The following PLEC variants were observed in gnomAD, a reference collection of about 807,000 sequenced individuals.
The protein encoded by PLEC is plectin.
Under a neutral mutation model 392.8 loss-of-function variants are expected in PLEC, and 216 were observed. The ratio of observed to expected loss-of-function variants is 0.55; its 90% confidence interval spans 0.49 to 0.62. PLEC has a LOEUF of 0.62. PLEC is among the 20% of genes least tolerant of loss of function. The pLI is 0.00. For synonymous variants in PLEC, 3,621 were observed against 2,980.6 expected, an observed-to-expected ratio of 1.21 and a Z score of -7.00; for missense variants, 6,863 against 6,563.4, an observed-to-expected ratio of 1.05 and a Z score of -1.58.
In PLEC at chr8:143,919,884, G is replaced by A; in HGVS notation, c.9937C>T (p.Pro3313Ser). The change falls in exon 32 of 32, where the codon CCA becomes TCA. Residue 3313 changes from proline to serine, a missense_variant. Physicochemically the swap from Pro to Ser is moderately conservative, Grantham distance 74. Transcript: ENST00000345136. Reference sequence around the variant, plus strand: ...CCGGAAGCCAGGAGCTCGCTGGCTGGCACAGGGGCACGGAGGCCGCTGAAG... The same window carrying A: ...CCGGAAGCCAGGAGCTCGCTGGCTGACACAGGGGCACGGAGGCCGCTGAAG... ...LSFSGLRAPV[P>S]ASELLASGVL... is the part of the protein sequence containing the mutation. 1.9e-6 allele frequency: 3 copies of A among 1,613,118 alleles called. No homozygotes were observed. The highest frequency in any genetic ancestry group is 1.1e-5 in the South Asian group (1 of 91,088).
rs1554676616 is a variant in PLEC at position 143,918,910 on chromosome 8, C to T, written c.10911G>A (p.Leu3637=). The change falls in exon 32 of 32, where the codon CTG becomes CTA. Residue 3637 remains leucine (L), a synonymous_variant. Transcript: ENST00000345136. ...GGCGGCGCACGTAGTCGTAGGAGGC[C>T]AGACCCTGCTGGCGGATGATCTCTG... is the stretch of plus-strand genomic sequence containing the variant. ...EKTEIIRQQG[L]ASYDYVRRRL... 3 of 1,611,428 alleles carry T rather than the reference C, an allele frequency of 1.9e-6. No homozygotes were observed. In the South Asian group the frequency reaches 3.3e-5, roughly 18 times the overall value.
Position 143,938,102 on chromosome 8 carries a change from G to A in PLEC, c.264+49C>T, listed in dbSNP as rs782735914. 8.0e-6 allele frequency: 11 copies of A among 1,366,824 alleles called. No homozygotes were observed. In the Admixed American group the frequency reaches 1.1e-4, roughly 13 times the overall value. The allele number at this position is 1,366,824 out of a possible 1,614,324, so 84.7% of individuals were successfully genotyped here. ...CCCCAAGGAGGGAAGGCAGGCAGAG[G>A]TCTCCAGGTGGGGCAGGCGGGGCCC... On this transcript the variant is annotated intron_variant, in intron 3 of 31. Coordinates refer to ENST00000345136, the MANE Select transcript of PLEC (RefSeq NM_201384.3).
chr8:143,967,424 G>A (rs1833166290), intron 1 of PLEC, among the ~76,000 whole-genome samples: 1 of 151,716 alleles, frequency 6.6e-6, no homozygotes, highest in Admixed American at 6.6e-5. Flanking sequence ...TAGATGCGTG[G>A]TGTGAGACCC....
At position 143,936,032 on chromosome 8, in the gene PLEC, G is replaced by C. The variant is rs1183265174; in HGVS notation, c.436-18C>G. ...TCTGAGATCTGCTCACAGCAGAGAG[G>C]AGGCCACAGCTCAGCCACAGCCACC... is the stretch of plus-strand genomic sequence containing the variant. On this transcript the variant is annotated intron_variant, in intron 5 of 31. Coordinates refer to ENST00000345136, the MANE Select transcript of PLEC (RefSeq NM_201384.3). 5 of 1,609,912 alleles carry C rather than the reference G, an allele frequency of 3.1e-6. No individual in the cohort carries two copies. In the Admixed American group the frequency reaches 5.0e-5, roughly 16 times the overall value.
upstream of PLEC, chr8:143,944,571 C>A: frequency 1.1e-6 from 1 of 934,738 alleles, no homozygotes; most frequent in Non-Finnish European, 1.5e-6. Flanking sequence ...GGCCTCCAGC[C>A]TCAGCCCCAG....
upstream of PLEC, chr8:143,954,066 C>G (rs1218892378): frequency 1.7e-6 from 1 of 572,384 alleles, no homozygotes; most frequent in Admixed American, 4.1e-5. The surrounding 1 kb of genome is among the most constrained non-coding windows in gnomAD (Gnocchi z 4.6). Flanking sequence ...CTCGGACGGC[C>G]CACTCCCCAG....
Position 143,921,863 on chromosome 8 carries a change from A to G in PLEC, c.7958T>C (p.Val2653Ala). Residue 2653 changes from valine to alanine, a missense_variant, in exon 32 of 32, where the codon GTG becomes GCG. Physicochemically the swap from Val to Ala is moderately conservative, Grantham distance 64. Transcript: ENST00000345136. Reference sequence around the variant, plus strand: ...GGCCTCCTGCAGCCTCTGAGCTGACACCTTCCGCCGCAGGCCATCGAAGCT... The same window carrying G: ...GGCCTCCTGCAGCCTCTGAGCTGACGCCTTCCGCCGCAGGCCATCGAAGCT... ...EHSFDGLRRKVSAQRLQEAGI... is the reference protein window; with the variant it reads ...EHSFDGLRRKASAQRLQEAGI... 6.2e-7 allele frequency: 1 copy of G among 1,602,504 alleles called. No individual in the cohort carries two copies. The highest frequency in any genetic ancestry group is 2.2e-5 in the East Asian group (1 of 44,848).
Position 143,921,825 on chromosome 8 carries a change from C to T in PLEC, c.7996G>A (p.Ala2666Thr), listed in dbSNP as rs782604713. Residue 2666 changes from alanine (A) to threonine (T), a missense_variant, in exon 32 of 32, where the codon GCG becomes ACG. Coordinates refer to ENST00000345136, the MANE Select transcript of PLEC (RefSeq NM_201384.3). Reference sequence around the variant, plus strand: ...TGCGCCAACCGCTGCAGCTCCTCCGCACTCAGGATGCCGGCCTCCTGCAGC... The same window carrying T: ...TGCGCCAACCGCTGCAGCTCCTCCGTACTCAGGATGCCGGCCTCCTGCAGC... Reference protein sequence around the residue: ...QRLQEAGILSAEELQRLAQGH... With the variant: ...QRLQEAGILSTEELQRLAQGH... 1 of 1,607,548 alleles carries T rather than the reference C, an allele frequency of 6.2e-7. No homozygotes were observed. Among genetic ancestry groups the T allele is most frequent in the Admixed American group, 1.7e-5 (1 of 59,982 alleles).
chr8:143,937,730 G>A (rs782228825), intron 3 of PLEC: 46 of 492,048 alleles, frequency 9.3e-5, no homozygotes, highest in South Asian at 6.0e-4. Flanking sequence ...CGCTGCAGCC[G>A]GCAGGCACAG....
intron 3 of PLEC, 85 bp downstream of exon 3, chr8:143,938,066 G>A (rs1187921511): frequency 4.2e-5 from 39 of 933,636 alleles, no homozygotes; most frequent in Non-Finnish European, 5.9e-5. Flanking sequence ...TAGAGTGGGC[G>A]GCCGGAGAGG....
Position 143,934,741 on chromosome 8 carries a change from C to A in PLEC, c.946-11G>T. 6.2e-7 allele frequency: 1 copy of A among 1,612,286 alleles called. No individual in the cohort carries two copies. The highest frequency in any genetic ancestry group is 1.1e-5 in the South Asian group (1 of 91,092). ...CTGAGACCACAGGATCTGCCAGGGACGAGGCTGTCGGCAACCACGCCGGGC... is the reference window on the plus strand; with the variant it reads ...CTGAGACCACAGGATCTGCCAGGGAAGAGGCTGTCGGCAACCACGCCGGGC... On this transcript the variant is annotated splice_polypyrimidine_tract_variant and intron_variant, in intron 9 of 31. Transcript: ENST00000345136.
chr8:143,934,715 A>T lies in PLEC; in HGVS notation c.961T>A (p.Phe321Ile). ...AGCTCCATCTCCTTAAACTTCAGGA[A>T]CTGAGACCACAGGATCTGCCAGGGA... ...FEEIEILWSQ[F>I]LKFKEMELPA... Residue 321 changes from phenylalanine (F) to isoleucine (I), a missense_variant, in exon 10 of 32, where the codon TTC becomes ATC. Phe to Ile is a conservative substitution (Grantham distance 21). Transcript: ENST00000345136. 7 of 1,612,638 alleles carry T rather than the reference A, an allele frequency of 4.3e-6. No homozygotes were observed. Among genetic ancestry groups the T allele is most frequent in the Non-Finnish European group, 5.9e-6 (7 of 1,179,940 alleles).
chr8:143,955,638 C>T (rs911402419), upstream of PLEC, among the ~76,000 whole-genome samples: 2 of 151,906 alleles, frequency 1.3e-5, no homozygotes, highest in African/African-American at 4.8e-5. Context: ...CTCACTCTGT[C>T]ACCCAGGCTA....
Position 143,934,190 on chromosome 8 carries a change from G to T in PLEC, c.1170-99C>A, listed in dbSNP as rs1828278717. 1.9e-6 allele frequency: 3 copies of T among 1,583,638 alleles called. No homozygotes were observed. In the African/African-American group the frequency reaches 4.0e-5, roughly 21 times the overall value. ...CTCCCGCTCCGGTCTCCCTGGCTGTGGCCCACTGTCCTAAGGCGAGTGGGA... is the reference window on the plus strand; with the variant it reads ...CTCCCGCTCCGGTCTCCCTGGCTGTTGCCCACTGTCCTAAGGCGAGTGGGA... On this transcript the variant is annotated intron_variant, in intron 11 of 31. Transcript: ENST00000345136.
At chr8:143,943,806 C>T (rs1554730539), upstream of PLEC, 4 of 1,612,332 alleles carry the variant, frequency 2.5e-6, 1 homozygote, top group Middle Eastern at 1.6e-4. Context: ...CACCGACGTC[C>T]CCTGCGCCAG....
chr8:143,947,210 A>G (rs1831596440), intron 1 of PLEC, among the ~76,000 whole-genome samples: 1 of 152,196 alleles, frequency 6.6e-6, no homozygotes, highest in African/African-American at 2.4e-5. Context: ...GCAGGGCCAC[A>G]GAGGGTCAAG....
chr8:143,975,320 T>C (rs1554745695), upstream of PLEC: 4 of 1,611,774 alleles, frequency 2.5e-6, no homozygotes, highest in East Asian at 2.2e-5. The surrounding 1 kb of genome is among the most constrained non-coding windows in gnomAD (Gnocchi z 9.9). Flanking sequence ...ACTGCTTCCA[T>C]TGGAGACATC....
intron 30 of PLEC, 65 bp downstream of exon 30, chr8:143,926,717 CTG>C (rs1315286916): frequency 4.5e-6 from 6 of 1,319,622 alleles, no homozygotes; most frequent in Admixed American, 3.4e-5. Flanking sequence ...GCTCCTGTGG[CTG>C]TGTGTGGGAC....
At chr8:143,962,740 A>G (rs1420389233) in intron 1 of PLEC, among the ~76,000 whole-genome samples, 1 of 152,222 alleles carries the variant, frequency 6.6e-6, no homozygotes, top group Non-Finnish European at 1.5e-5. Context: ...TGCTCAACAG[A>G]ACTTGTAAGC....
Sources: allele counts gnomAD v4.1 joint callset (sites outside exome capture counted in the v4.1 genomes callset), GRCh38; gene constraint gnomAD v4.1.1; non-coding constraint Gnocchi (gnomAD v3.1); transcripts MANE v1.5; gene names NCBI Gene and HGNC (gene_info 2026-07-23, HGNC 2026-07-21).